Variants in TMEM72 observed in about 807,000 individuals in gnomAD.
The protein encoded by TMEM72 is transmembrane protein 72.
TMEM72 carries 9 observed loss-of-function variants against 16.3 expected under a neutral mutation model. That is an observed-to-expected ratio of 0.55 (90% CI 0.33 to 0.96). The LOEUF (loss-of-function observed/expected upper bound fraction) is 0.96, where lower values mean the gene tolerates loss of function less well. Among genes scored for constraint, TMEM72 ranks in the 40% least tolerant of loss-of-function variants. The pLI is 0.03. For missense variants in TMEM72, 324 were observed against 337.8 expected (o/e 0.96, Z 0.32); for synonymous variants, 160 against 146.5 (o/e 1.09, Z -0.66).
chr10:44,911,462 C>T lies in TMEM72; in HGVS notation c.-51C>T, dbSNP rs143625079. 3.5e-4 allele frequency: 534 copies of T among 1,537,346 alleles called. No individual in the cohort carries two copies. In the African/African-American group the frequency reaches 5.7e-3, roughly 16 times the overall value. On this transcript the variant is annotated 5_prime_UTR_variant, in exon 1 of 5. Transcript: ENST00000389583. ...AGGGTGTTCGGGAGCATCTCAGGGC[C>T]GAAGACTTTGCTGCCTGCCCTGCCA...
chr10:44,921,276 G>T (rs1840094484), intron 1 of TMEM72, among the ~76,000 whole-genome samples: 1 of 152,180 alleles, frequency 6.6e-6, no homozygotes, highest in African/African-American at 2.4e-5. Context: ...GCTGGAGTGG[G>T]CATAAGGTAC....
At position 44,911,463 on chromosome 10, in the gene TMEM72, G is replaced by A. The variant is rs550034238; in HGVS notation, c.-50G>A. 2.9e-5 allele frequency: 44 copies of A among 1,541,240 alleles called. No homozygotes were observed. Among genetic ancestry groups the A allele is most frequent in the Admixed American group, 2.2e-4 (11 of 50,908 alleles). On this transcript the variant is annotated 5_prime_UTR_variant, in exon 1 of 5. Transcript: ENST00000389583. ...GGGTGTTCGGGAGCATCTCAGGGCC[G>A]AAGACTTTGCTGCCTGCCCTGCCAG...
intron 1 of TMEM72, among the ~76,000 whole-genome samples, chr10:44,925,633 T>C (rs1840174183): frequency 6.6e-6 from 1 of 152,184 alleles, no homozygotes; most frequent in South Asian, 2.1e-4. Context: ...AGAGATTGGG[T>C]GACTATGCTA....
intron 2 of TMEM72, among the ~76,000 whole-genome samples, chr10:44,929,464 C>T (rs1331121403): frequency 6.6e-6 from 1 of 152,230 alleles, no homozygotes; most frequent in Admixed American, 6.5e-5. Context: ...CCTCCACTCC[C>T]CCCCCTCCTC....
chr10:44,931,636 G>C (rs1840299107), intron 2 of TMEM72, among the ~76,000 whole-genome samples: 1 of 152,228 alleles, frequency 6.6e-6, no homozygotes, highest in Admixed American at 6.5e-5. Flanking sequence ...GAAGGAAAGG[G>C]TCAGGAACAG....
intron 2 of TMEM72, among the ~76,000 whole-genome samples, chr10:44,929,211 C>A (rs79431115): frequency 0.032 from 4,871 of 152,220 alleles, 239 homozygotes; most frequent in African/African-American, 0.11. Flanking sequence ...TGTGTCCTGG[C>A]AGGAAGGTGA....
rs931147461 is a variant in TMEM72 at position 44,913,978 on chromosome 10, G to A, written c.70+2396G>A. Among the ~76,000 whole-genome samples the A allele has an allele frequency of 2.0e-5, 3 of 152,200 alleles. No individual in the cohort carries two copies. In the South Asian group the frequency reaches 6.2e-4, roughly 31 times the overall value. On this transcript the variant is annotated intron_variant, in intron 1 of 4. Coordinates refer to ENST00000389583, the MANE Select transcript of TMEM72 (RefSeq NM_001123376.3). ...AAGGGCACTCAGAGTGTCACCTGCA[G>A]GGACCAGGCAGCTGCTAAGAGGCTA...
intron 1 of TMEM72, among the ~76,000 whole-genome samples, chr10:44,914,342 G>A (rs1166876538): frequency 1.3e-5 from 2 of 152,350 alleles, no homozygotes; most frequent in East Asian, 3.9e-4. Flanking sequence ...CAGTCATGTG[G>A]TTTCCAGGAC....
chr10:44,914,769 C>T lies in TMEM72; in HGVS notation c.70+3187C>T, dbSNP rs1839989556. ...GGATTTAACTGAGCCTGGAGCACAG[C>T]GGTCCAGGGCACTCCTCCCCTGTGA... On this transcript the variant is annotated intron_variant, in intron 1 of 4. Coordinates refer to ENST00000389583, the MANE Select transcript of TMEM72 (RefSeq NM_001123376.3). 2.0e-5 allele frequency among the ~76,000 whole-genome samples: 3 copies of T among 152,276 alleles called. No individual in the cohort carries two copies. In the South Asian group the frequency reaches 6.2e-4, roughly 32 times the overall value.
At chr10:44,924,345 C>G (rs1010899802) in intron 1 of TMEM72, among the ~76,000 whole-genome samples, 20 of 152,212 alleles carry the variant, frequency 1.3e-4, no homozygotes, top group African/African-American at 4.8e-4. Context: ...CTGTCTGGCC[C>G]CAGAGCTCCT....
At chr10:44,918,728 A>G (rs79058073) in intron 1 of TMEM72, among the ~76,000 whole-genome samples, 2,182 of 152,272 alleles carry the variant, frequency 0.014, 55 homozygotes, top group African/African-American at 0.046. Flanking sequence ...CCCCCCAGCC[A>G]AATTCATATG....
chr10:44,927,071 C>T (rs1840207288), intron 1 of TMEM72, among the ~76,000 whole-genome samples: 1 of 152,146 alleles, frequency 6.6e-6, no homozygotes, highest in African/African-American at 2.4e-5. Context: ...GAGGATGAAG[C>T]CACCCTTCAG....
chr10:44,931,915 G>A (rs1840302985), intron 2 of TMEM72, 83 bp from the exon 3 acceptor site: 3 of 1,391,938 alleles, frequency 2.2e-6, no homozygotes, highest in South Asian at 2.5e-5. Context: ...TGTGATGTCA[G>A]GAGGCCACGT....
At chr10:44,911,758 G>A (rs1839941612) in intron 1 of TMEM72, among the ~76,000 whole-genome samples, 176 bp downstream of exon 1, 1 of 152,200 alleles carries the variant, frequency 6.6e-6, no homozygotes, top group Non-Finnish European at 1.5e-5. Context: ...GTGCAGTGGG[G>A]TGAGCCTAGG....
chr10:44,911,495 G>T lies in TMEM72; in HGVS notation c.-18G>T. The T allele has an allele frequency of 6.5e-7, 1 of 1,550,166 alleles. No individual in the cohort carries two copies. The highest frequency in any genetic ancestry group is 8.7e-7 in the Non-Finnish European group (1 of 1,146,854). On this transcript the variant is annotated 5_prime_UTR_variant, in exon 1 of 5. Transcript: ENST00000389583. ...TTGCTGCCTGCCCTGCCAGGACTTTGTCCTCACCCCTGGCACCATGCAGCT... is the reference window on the plus strand; with the variant it reads ...TTGCTGCCTGCCCTGCCAGGACTTTTTCCTCACCCCTGGCACCATGCAGCT...
At chr10:44,927,222 T>A (rs993411375) in intron 1 of TMEM72, among the ~76,000 whole-genome samples, 3 of 152,130 alleles carry the variant, frequency 2.0e-5, no homozygotes, top group African/African-American at 7.2e-5. Context: ...GTCCGTGCTG[T>A]GCTGGTTGTG....
At chr10:44,917,507 C>T (rs1001580363) in intron 1 of TMEM72, among the ~76,000 whole-genome samples, 1 of 152,162 alleles carries the variant, frequency 6.6e-6, no homozygotes, top group Non-Finnish European at 1.5e-5. Flanking sequence ...CCCACAGGAA[C>T]TTGGCTATTT....
At chr10:44,934,465 C>T (rs1042402808) in intron 4 of TMEM72, among the ~76,000 whole-genome samples, 191 bp from the exon 5 acceptor site, 1 of 152,234 alleles carries the variant, frequency 6.6e-6, no homozygotes, top group African/African-American at 2.4e-5. Flanking sequence ...ATCCCCATCC[C>T]AGCCTCCAAG....
chr10:44,933,800 T>C, intron 4 of TMEM72, 24 bp downstream of exon 4: 1 of 1,598,226 alleles, frequency 6.3e-7, no homozygotes, highest in East Asian at 2.2e-5. Flanking sequence ...GGTAGAGATA[T>C]GCAGCCCCAG....
Sources: gnomAD v4.1 joint callset for allele counts (sites outside exome capture counted in the v4.1 genomes callset) on GRCh38, gnomAD v4.1.1 for gene constraint, MANE v1.5 for transcripts, NCBI Gene and HGNC (gene_info 2026-07-23, HGNC 2026-07-21) for gene names.